Variants in RBMS3 observed in about 807,000 individuals in gnomAD.
RBMS3 encodes RNA binding motif single stranded interacting protein 3.
RBMS3 carries 27 observed loss-of-function variants against 66.8 expected under a neutral mutation model. The observed-to-expected ratio is 0.40, with a 90% confidence interval of 0.30 to 0.56. RBMS3 has a LOEUF of 0.56. Among genes scored for constraint, RBMS3 ranks in the 20% least tolerant of loss-of-function variants. RBMS3 has a pLI of 0.40. For synonymous variants in RBMS3, 188 were observed against 183.0 expected, an observed-to-expected ratio of 1.03 and a Z score of -0.22; for missense variants, 513 against 549.5, an observed-to-expected ratio of 0.93 and a Z score of 0.66.
chr3:30,000,085 A>G (rs1428126711), intron 14 of RBMS3, among the ~76,000 whole-genome samples: 1 of 152,132 alleles, frequency 6.6e-6, no homozygotes, highest in African/African-American at 2.4e-5. Flanking sequence ...AGCAAAAGAA[A>G]CTATCATCAG....
At chr3:29,395,954 G>T (rs573926452) in intron 1 of RBMS3, among the ~76,000 whole-genome samples, 128 of 152,314 alleles carry the variant, frequency 8.4e-4, no homozygotes, top group African/African-American at 2.7e-3. Flanking sequence ...AAGAGAGTTT[G>T]ATGAGGAGCA....
At position 29,509,539 on chromosome 3, in the gene RBMS3, G is replaced by T. The variant is rs945228289; in HGVS notation, c.307+21040G>T. On this transcript the variant is annotated intron_variant, in intron 3 of 14. Coordinates refer to ENST00000383767, the MANE Select transcript of RBMS3 (RefSeq NM_001003793.3). Reference sequence around the variant, plus strand: ...TGGGATATAAATTCAGGTCTGCTTTGTTTTAAAGCCTGGGTATTTAATGTC... The same window carrying T: ...TGGGATATAAATTCAGGTCTGCTTTTTTTTAAAGCCTGGGTATTTAATGTC... Among the ~76,000 whole-genome samples, 37 of 152,112 alleles carry T rather than the reference G, an allele frequency of 2.4e-4. 1 individual carries two copies. The highest frequency in any genetic ancestry group is 8.0e-4 in the African/African-American group (33 of 41,430).
rs558888142 is a variant in RBMS3 at position 29,386,068 on chromosome 3, G to A, written c.76-48675G>A. On this transcript the variant is annotated intron_variant, in intron 1 of 14. Coordinates refer to ENST00000383767, the MANE Select transcript of RBMS3 (RefSeq NM_001003793.3). Reference sequence around the variant, plus strand: ...CTTATACCGTTGCTTATATAAACTCGCTTGTCCCTCTCTCTTCTTTCTTTA... The same window carrying A: ...CTTATACCGTTGCTTATATAAACTCACTTGTCCCTCTCTCTTCTTTCTTTA... Among the ~76,000 whole-genome samples the A allele has an allele frequency of 5.3e-5, 8 of 152,084 alleles. No homozygotes were observed. The South Asian group carries it at 8.3e-4, about 16-fold the overall frequency.
At chr3:29,521,594 C>A (rs1453654341) in intron 3 of RBMS3, among the ~76,000 whole-genome samples, 1 of 152,146 alleles carries the variant, frequency 6.6e-6, no homozygotes, top group East Asian at 1.9e-4. Context: ...CCAGGATGTA[C>A]AAATCTGTGC....
chr3:29,940,135 A>G (rs1388681538), intron 11 of RBMS3, among the ~76,000 whole-genome samples: 3 of 151,860 alleles, frequency 2.0e-5, no homozygotes, highest in East Asian at 3.9e-4. Context: ...GGTCAAATAC[A>G]TTCTTTCTTC....
intron 7 of RBMS3, among the ~76,000 whole-genome samples, chr3:29,883,682 C>G (rs948572727): frequency 6.6e-6 from 1 of 151,998 alleles, no homozygotes; most frequent in Admixed American, 6.6e-5. Context: ...ACTCTGGACT[C>G]ATTACCTACA....
intron 6 of RBMS3, among the ~76,000 whole-genome samples, chr3:29,764,732 T>C (rs1010048210): frequency 2.0e-5 from 3 of 152,050 alleles, no homozygotes; most frequent in Admixed American, 6.6e-5. Context: ...TGCTGACTAA[T>C]ACAATTTAAT....
At position 29,307,754 on chromosome 3, in the gene RBMS3, T is replaced by C. The variant is rs543186313; in HGVS notation, c.75+25998T>C. On this transcript the variant is annotated intron_variant, in intron 1 of 14. Transcript: ENST00000383767. ...CAATAATCCAAAGGTAGTTTTATTC[T>C]AGCAGTGTGGAAAATAAAAGCCTTT... Among the ~76,000 whole-genome samples the C allele has an allele frequency of 6.6e-5, 10 of 152,074 alleles. No homozygotes were observed. The East Asian group carries it at 1.2e-3, about 18-fold the overall frequency.
chr3:29,826,071 G>A (rs201875987), intron 6 of RBMS3, among the ~76,000 whole-genome samples: 9 of 152,074 alleles, frequency 5.9e-5, no homozygotes, highest in East Asian at 1.9e-4. Flanking sequence ...GGTATGAGTC[G>A]ATAGGGTCAT....
intron 7 of RBMS3, among the ~76,000 whole-genome samples, chr3:29,873,647 G>C (rs868852875): frequency 6.6e-6 from 1 of 152,080 alleles, no homozygotes; most frequent in Non-Finnish European, 1.5e-5. Context: ...TTGAGAGAGG[G>C]CATCCTTGTC....
intron 3 of RBMS3, among the ~76,000 whole-genome samples, chr3:29,518,176 T>G (rs1211248453): frequency 6.6e-6 from 1 of 152,214 alleles, no homozygotes; most frequent in Non-Finnish European, 1.5e-5. Flanking sequence ...GCACAGGTTA[T>G]TGGGTGTAGC....
intron 8 of RBMS3, among the ~76,000 whole-genome samples, chr3:29,896,862 A>T (rs1419058636): frequency 6.6e-6 from 1 of 151,570 alleles, no homozygotes; most frequent in African/African-American, 2.4e-5. Flanking sequence ...AAACATTCCC[A>T]TTCCAACCTC....
At chr3:29,282,214 C>A (rs2031865376) in intron 1 of RBMS3, among the ~76,000 whole-genome samples, 1 of 152,014 alleles carries the variant, frequency 6.6e-6, no homozygotes, top group Non-Finnish European at 1.5e-5. Flanking sequence ...CTTTTAATCG[C>A]AGGGTATAGA....
intron 4 of RBMS3, among the ~76,000 whole-genome samples, chr3:29,634,909 CTTCT>C (rs907120848): frequency 6.6e-6 from 1 of 151,884 alleles, no homozygotes; most frequent in Non-Finnish European, 1.5e-5. Context: ...TAGTTTGAGG[CTTCT>C]TTCTCCCAGG....
chr3:29,859,764 T>G (rs993749959), intron 6 of RBMS3, among the ~76,000 whole-genome samples: 35 of 152,202 alleles, frequency 2.3e-4, no homozygotes, highest in Admixed American at 5.2e-4. Flanking sequence ...AACTCCAAAA[T>G]ATAATAATTC....
At chr3:29,970,764 A>C (rs1697177298) in intron 12 of RBMS3, among the ~76,000 whole-genome samples, 1 of 152,166 alleles carries the variant, frequency 6.6e-6, no homozygotes, top group Non-Finnish European at 1.5e-5. Context: ...TGTAAAATTT[A>C]ATCTTTTTTC....
Position 29,281,425 on chromosome 3 carries a change from T to C in RBMS3, c.-257T>C. On this transcript the variant is annotated 5_prime_UTR_variant, in exon 1 of 15. Coordinates refer to ENST00000383767, the MANE Select transcript of RBMS3 (RefSeq NM_001003793.3). ...GGCAGCTGGGGGAAGCCAGGCAAGA[T>C]CTGGGAAGGCTGTGTGTGGGTGTTT... The C allele has an allele frequency of 2.0e-6, 1 of 508,374 alleles. No individual in the cohort carries two copies. Among genetic ancestry groups the C allele is most frequent in the Non-Finnish European group, 3.4e-6 (1 of 291,078 alleles). 31.5% of individuals were successfully genotyped at this position (508,374 alleles called of 1,614,324 possible).
intron 6 of RBMS3, among the ~76,000 whole-genome samples, chr3:29,806,358 C>A (rs1254964323): frequency 3.9e-5 from 6 of 151,906 alleles, no homozygotes; most frequent in Non-Finnish European, 7.4e-5. Flanking sequence ...ATTGTCTAAG[C>A]CAATGAAAAC....
intron 2 of RBMS3, among the ~76,000 whole-genome samples, chr3:29,467,085 T>C (rs2042569918): frequency 6.6e-6 from 1 of 152,208 alleles, no homozygotes; most frequent in Non-Finnish European, 1.5e-5. Context: ...AGAGTTTTCA[T>C]ATACTCTAAG....
Sources: gnomAD v4.1 joint callset for allele counts (sites outside exome capture counted in the v4.1 genomes callset) on GRCh38, gnomAD v4.1.1 for gene constraint, MANE v1.5 for transcripts, NCBI Gene and HGNC (gene_info 2026-07-23, HGNC 2026-07-21) for gene names.